The following EEPD1 variants were observed in gnomAD, a reference collection of about 807,000 sequenced individuals.
The protein encoded by EEPD1 is endonuclease/exonuclease/phosphatase family domain containing 1, also known as endonuclease/exonuclease/phosphatase family domain-containing protein 1.
In EEPD1, 17 loss-of-function variants were observed where a neutral mutation model predicts 46.3. The observed-to-expected ratio is 0.37, with a 90% CI of 0.25 to 0.55. The LOEUF is 0.55. Among genes scored for constraint, EEPD1 ranks in the 20% least tolerant of loss-of-function variants. EEPD1 has a pLI of 0.83. For synonymous variants in EEPD1, 313 were observed against 315.6 expected (o/e 0.99, Z 0.09); for missense variants, 673 against 745.6 (o/e 0.90, Z 1.13).
At chr7:36,241,600 C>T (rs780507256) in intron 3 of EEPD1, among the ~76,000 whole-genome samples, 2 of 152,052 alleles carry the variant, frequency 1.3e-5, no homozygotes, top group Non-Finnish European at 2.9e-5. Context: ...GACACAGTGG[C>T]TCACGCCTGT....
chr7:36,202,588 G>T (rs1341962219), intron 2 of EEPD1, among the ~76,000 whole-genome samples: 1 of 152,174 alleles, frequency 6.6e-6, no homozygotes, highest in African/African-American at 2.4e-5. Flanking sequence ...TAAGAGGCTT[G>T]TGGCAAGACT....
At position 36,204,825 on chromosome 7, in the gene EEPD1, A is replaced by T. The variant is rs563012025; in HGVS notation, c.879-34160A>T. Among the ~76,000 whole-genome samples, 170 of 146,422 alleles carry T rather than the reference A, an allele frequency of 1.2e-3. 1 individual carries two copies. Among genetic ancestry groups the T allele is most frequent in the African/African-American group, 2.9e-3 (115 of 40,122 alleles). ...GTTTTTGTTTGTTTGTTTGTTTTTTAAAAAAAGAGCCTTAGGATAGTGTGG... is the reference window on the plus strand; with the variant it reads ...GTTTTTGTTTGTTTGTTTGTTTTTTTAAAAAAGAGCCTTAGGATAGTGTGG... On this transcript the variant is annotated intron_variant, in intron 2 of 7. Transcript: ENST00000242108.
At chr7:36,187,259 C>T (rs1785375701) in intron 2 of EEPD1, among the ~76,000 whole-genome samples, 1 of 152,192 alleles carries the variant, frequency 6.6e-6, no homozygotes, top group African/African-American at 2.4e-5. Flanking sequence ...AAATATACCT[C>T]ACATAAAATT....
chr7:36,295,257 G>A (rs1013942829), intron 6 of EEPD1, among the ~76,000 whole-genome samples: 1 of 151,958 alleles, frequency 6.6e-6, no homozygotes, highest in Non-Finnish European at 1.5e-5. Flanking sequence ...GCTCAAACAA[G>A]CAAACAAAAA....
At chr7:36,284,498 G>A (rs1212926737) in intron 4 of EEPD1, among the ~76,000 whole-genome samples, 188 bp from the exon 5 acceptor site, 1 of 152,226 alleles carries the variant, frequency 6.6e-6, no homozygotes, top group Non-Finnish European at 1.5e-5. Context: ...TTGGCAATAT[G>A]TGAAATTATT....
intron 2 of EEPD1, among the ~76,000 whole-genome samples, chr7:36,203,406 A>T (rs903492709): frequency 2.6e-5 from 4 of 152,206 alleles, no homozygotes; most frequent in Admixed American, 2.6e-4. Context: ...GGGAAAGCGG[A>T]AAACCACCAG....
chr7:36,234,760 G>A, intron 2 of EEPD1, among the ~76,000 whole-genome samples: 1 of 152,112 alleles, frequency 6.6e-6, no homozygotes, highest in Non-Finnish European at 1.5e-5. Flanking sequence ...TAGAACCTGT[G>A]CGGGTTGCTG....
intron 2 of EEPD1, among the ~76,000 whole-genome samples, chr7:36,229,587 A>G (rs1190976698): frequency 2.6e-5 from 4 of 151,914 alleles, no homozygotes; most frequent in Admixed American, 6.6e-5. Flanking sequence ...CTTCACTTCT[A>G]TCCACTTCTC....
chr7:36,284,953 G>C (rs895815799), intron 5 of EEPD1, 133 bp downstream of exon 5: 14 of 1,262,634 alleles, frequency 1.1e-5, no homozygotes, highest in Non-Finnish European at 1.3e-5. Flanking sequence ...CATGATTGGA[G>C]ATTTTTGTCT....
rs898128682 is a variant in EEPD1, at chr7:36,264,059, A to G, written c.931-17056A>G. ...ATGTTTGTGGGGGAGAGACTTTTAC[A>G]TGGATAAAGCTCACACCAGTTAATT... On this transcript the variant is annotated intron_variant, in intron 3 of 7. Coordinates refer to ENST00000242108, the MANE Select transcript of EEPD1 (RefSeq NM_030636.3). Among the ~76,000 whole-genome samples, 12 of 152,348 alleles carry G rather than the reference A, an allele frequency of 7.9e-5. 1 individual carries two copies. The South Asian group carries it at 2.5e-3, about 32-fold the overall frequency.
intron 2 of EEPD1, among the ~76,000 whole-genome samples, chr7:36,218,494 C>A (rs138448805): frequency 6.6e-6 from 1 of 152,262 alleles, no homozygotes; most frequent in East Asian, 1.9e-4. Context: ...ACTCACCCTT[C>A]TTCTTGTGCT....
intron 7 of EEPD1, 128 bp from the exon 8 acceptor site, chr7:36,298,879 C>T (rs1336435582): frequency 9.6e-6 from 10 of 1,042,390 alleles, no homozygotes; most frequent in African/African-American, 1.6e-5. Flanking sequence ...CTTCCAGCTA[C>T]CTGAGGCAGC....
intron 3 of EEPD1, among the ~76,000 whole-genome samples, chr7:36,242,854 G>C (rs959846094): frequency 7.3e-5 from 11 of 151,664 alleles, no homozygotes; most frequent in African/African-American, 2.7e-4. Context: ...TCTTAAACCC[G>C]GGAGGTGGAG....
At chr7:36,217,824 C>G (rs1000676918) in intron 2 of EEPD1, among the ~76,000 whole-genome samples, 2 of 152,028 alleles carry the variant, frequency 1.3e-5, no homozygotes, top group African/African-American at 4.8e-5. Context: ...TTTCACCTGG[C>G]CTAAAAGGAA....
chr7:36,244,967 A>G (rs1482431806), intron 3 of EEPD1, among the ~76,000 whole-genome samples: 1 of 149,886 alleles, frequency 6.7e-6, no homozygotes, highest in African/African-American at 2.5e-5. Flanking sequence ...TTTTTTTGAG[A>G]TGGAGTCTCG....
chr7:36,230,008 C>T (rs1433064158), intron 2 of EEPD1, among the ~76,000 whole-genome samples: 2 of 152,076 alleles, frequency 1.3e-5, no homozygotes, highest in South Asian at 4.1e-4. Flanking sequence ...AAGCCCTGAA[C>T]CCCAGTGTAT....
At position 36,165,639 on chromosome 7, in the gene EEPD1, A is replaced by C. The variant is rs1784971175; in HGVS notation, c.878+10437A>C. Among the ~76,000 whole-genome samples the C allele has an allele frequency of 3.1e-5, 4 of 127,164 alleles. No individual in the cohort carries two copies. In the South Asian group the frequency reaches 9.5e-4, roughly 30 times the overall value. The allele number at this position is 127,164 out of a possible 152,430, so 83.4% of individuals were successfully genotyped here. On this transcript the variant is annotated intron_variant, in intron 2 of 7. Transcript: ENST00000242108. ...TATTTTTAGTAGAGACAGGGTTTCCATGTTGACCAGGATGGTCTCGATCTC... is the reference window on the plus strand; with the variant it reads ...TATTTTTAGTAGAGACAGGGTTTCCCTGTTGACCAGGATGGTCTCGATCTC...
intron 2 of EEPD1, among the ~76,000 whole-genome samples, chr7:36,208,656 G>T (rs1228596606): frequency 1.3e-5 from 2 of 152,200 alleles, no homozygotes. Context: ...GTTGGCTGAT[G>T]CCTGAGACAC....
At chr7:36,260,929 T>C (rs1786911430) in intron 3 of EEPD1, among the ~76,000 whole-genome samples, 7 of 152,254 alleles carry the variant, frequency 4.6e-5, no homozygotes, top group Admixed American at 4.6e-4. Context: ...TTACATAGCA[T>C]TGACATTGTA....
Sources: allele counts gnomAD v4.1 joint callset (sites outside exome capture counted in the v4.1 genomes callset), GRCh38; gene constraint gnomAD v4.1.1; transcripts MANE v1.5; gene names NCBI Gene and HGNC (gene_info 2026-07-23, HGNC 2026-07-21).